Variants in ZNF407 observed in about 807,000 individuals in gnomAD.
ZNF407 encodes zinc finger protein 407.
ZNF407 carries 17 observed loss-of-function variants against 131.2 expected under a neutral mutation model. The observed-to-expected ratio is 0.13, with a 90% confidence interval of 0.09 to 0.19. The LOEUF is 0.19. ZNF407 is among the 10% of genes least tolerant of loss of function. The pLI, the probability that ZNF407 is intolerant of heterozygous loss-of-function variation, is 1.00. For missense variants in ZNF407, 2,681 were observed against 2,830.6 expected (o/e 0.95, Z 1.20); for synonymous variants, 1,156 against 1,062.0 (o/e 1.09, Z -1.72).
chr18:74,750,720 C>T (rs558280515), intron 3 of ZNF407, among the ~76,000 whole-genome samples: 10 of 152,166 alleles, frequency 6.6e-5, no homozygotes, highest in Middle Eastern at 3.4e-3. Context: ...TCAGTTTTCT[C>T]GGGTATATAG....
intron 3 of ZNF407, among the ~76,000 whole-genome samples, chr18:74,732,526 A>G (rs187551748): frequency 1.9e-4 from 29 of 152,342 alleles, no homozygotes; most frequent in Admixed American, 1.4e-3. Context: ...AAGTGAGTAA[A>G]GGAAGGGCAT....
intron 3 of ZNF407, among the ~76,000 whole-genome samples, chr18:74,718,178 C>G (rs1482262318): frequency 6.6e-6 from 1 of 151,928 alleles, no homozygotes; most frequent in Admixed American, 6.6e-5. Flanking sequence ...TTCCTGTTTC[C>G]TCAAAAGATT....
intron 4 of ZNF407, among the ~76,000 whole-genome samples, chr18:74,866,401 T>C (rs1485958911): frequency 6.6e-6 from 1 of 152,178 alleles, no homozygotes; most frequent in Non-Finnish European, 1.5e-5. Flanking sequence ...CATCCTGACA[T>C]GCTAGAAGGC....
At chr18:74,745,874 C>T (rs994124243) in intron 3 of ZNF407, among the ~76,000 whole-genome samples, 11 of 152,176 alleles carry the variant, frequency 7.2e-5, no homozygotes, top group Non-Finnish European at 1.6e-4. Flanking sequence ...CATTTGCTCA[C>T]TCTGTCTGTG....
rs535847642 is a variant in ZNF407 at position 75,063,794 on chromosome 18, G to A, written c.6073G>A (p.Gly2025Arg). The A allele has an allele frequency of 3.7e-5, 60 of 1,609,068 alleles. No homozygotes were observed. Among genetic ancestry groups the A allele is most frequent in the South Asian group, 3.0e-4 (27 of 91,034 alleles). The change falls in exon 9 of 9, where the codon GGG (glycine) becomes AGG (arginine). Residue 2025 changes from glycine (G) to arginine (R), a missense_variant. Physicochemically the swap from Gly to Arg is moderately radical, Grantham distance 125. Transcript: ENST00000299687. The surrounding 1 kb of genome is among the most constrained non-coding windows in gnomAD (Gnocchi z 6.6). The stretch of plus-strand genomic sequence containing the variant: ...CAAAGACGTGCTGATCCAGCTGCCC[G>A]GGCAGGAGGTCTCCCATGTGGCTGC... ...GAKDVLIQLP[G>R]QEVSHVAADP...
At chr18:75,055,576 T>C (rs998512735) in intron 8 of ZNF407, among the ~76,000 whole-genome samples, 1 of 152,258 alleles carries the variant, frequency 6.6e-6, no homozygotes, top group Non-Finnish European at 1.5e-5. Context: ...TTTGTGACTT[T>C]AAAGGTAAAA....
chr18:74,806,247 C>G (rs192670820), intron 4 of ZNF407, among the ~76,000 whole-genome samples: 55 of 152,298 alleles, frequency 3.6e-4, no homozygotes, highest in African/African-American at 1.3e-3. Flanking sequence ...TTAGGTTTTC[C>G]TTAGTATGGC....
chr18:74,688,019 C>T (rs892713714), intron 3 of ZNF407, among the ~76,000 whole-genome samples: 4 of 152,124 alleles, frequency 2.6e-5, no homozygotes, highest in Non-Finnish European at 5.9e-5. Flanking sequence ...AACTGACCTG[C>T]ACTTTAGTAA....
At chr18:74,836,460 G>A (rs1209744443) in intron 4 of ZNF407, among the ~76,000 whole-genome samples, 1 of 152,184 alleles carries the variant, frequency 6.6e-6, no homozygotes, top group Non-Finnish European at 1.5e-5. Flanking sequence ...CCTGCCTGCT[G>A]CCCTTCCCGA....
At chr18:74,628,374 TCTTAC>T (rs1983897155) in intron 1 of ZNF407, among the ~76,000 whole-genome samples, 1 of 152,104 alleles carries the variant, frequency 6.6e-6, no homozygotes, top group Non-Finnish European at 1.5e-5. Flanking sequence ...GAAAGAAACC[TCTTAC>T]CCTTTAGCTA....
chr18:74,710,614 C>A (rs1052683168), intron 3 of ZNF407, among the ~76,000 whole-genome samples: 1 of 152,150 alleles, frequency 6.6e-6, no homozygotes, highest in African/African-American at 2.4e-5. Context: ...TCTGTGGGAT[C>A]GTCCACATCA....
intron 4 of ZNF407, among the ~76,000 whole-genome samples, chr18:74,852,676 G>A (rs900551513): frequency 6.6e-6 from 1 of 152,030 alleles, no homozygotes; most frequent in Non-Finnish European, 1.5e-5. Context: ...TCAACAGAAG[G>A]GGGCAAAAGA....
intron 7 of ZNF407, among the ~76,000 whole-genome samples, chr18:74,894,688 C>A (rs1971429842): frequency 6.6e-6 from 1 of 151,950 alleles, no homozygotes; most frequent in South Asian, 2.1e-4. Context: ...CAGTAAAGCA[C>A]TGATAAGTCA....
At chr18:74,953,016 T>C (rs1972233527) in intron 8 of ZNF407, among the ~76,000 whole-genome samples, 1 of 152,208 alleles carries the variant, frequency 6.6e-6, no homozygotes, top group African/African-American at 2.4e-5. Flanking sequence ...ACACAGGGCA[T>C]GTAGAGATGT....
chr18:74,982,112 C>G (rs1972599579), intron 8 of ZNF407, among the ~76,000 whole-genome samples: 1 of 152,166 alleles, frequency 6.6e-6, no homozygotes, highest in Non-Finnish European at 1.5e-5. Flanking sequence ...TAAAGGTGAT[C>G]TAGGAGTAGT....
chr18:74,848,931 C>T (rs1001094000), intron 4 of ZNF407, among the ~76,000 whole-genome samples: 2 of 152,086 alleles, frequency 1.3e-5, no homozygotes, highest in Non-Finnish European at 2.9e-5. Flanking sequence ...GTCTGTTTCA[C>T]AGTCAATTCT....
chr18:74,755,728 C>CCTTCCTTTCTTTCTTTCTTTCTTT (rs1555684064), intron 3 of ZNF407, among the ~76,000 whole-genome samples: 38 of 63,482 alleles, frequency 6.0e-4, no homozygotes, highest in East Asian at 4.4e-3. Context: ...TTCTTTCTTT[C>CCTTCCTTTCTTTCTTTCTTTCTTT]CTTTCTTTCT....
At chr18:74,966,347 G>A (rs983776703) in intron 8 of ZNF407, among the ~76,000 whole-genome samples, 5 of 152,178 alleles carry the variant, frequency 3.3e-5, no homozygotes, top group Non-Finnish European at 5.9e-5. Flanking sequence ...TGTATATGGT[G>A]AGAAATAGGG....
chr18:74,848,881 G>C lies in ZNF407; in HGVS notation c.4878-28316G>C, dbSNP rs544177748. On this transcript the variant is annotated intron_variant, in intron 4 of 8. Transcript: ENST00000299687. ...AGTTTCTAAACCATCCTGAGCCTTT[G>C]TTTTTGTGATGTATGCGTGAATATT... is the stretch of plus-strand genomic sequence containing the variant. Among the ~76,000 whole-genome samples the C allele has an allele frequency of 1.8e-4, 28 of 152,152 alleles. No homozygotes were observed. In the South Asian group the frequency reaches 2.1e-3, roughly 11 times the overall value.
Sources: gnomAD v4.1 joint callset for allele counts (sites outside exome capture counted in the v4.1 genomes callset) on GRCh38, gnomAD v4.1.1 for gene constraint, Gnocchi (gnomAD v3.1) non-coding constraint, MANE v1.5 for transcripts, NCBI Gene and HGNC (gene_info 2026-07-23, HGNC 2026-07-21) for gene names.